Variants in AMOT observed in about 807,000 individuals in gnomAD.
AMOT encodes the protein angiomotin.
In AMOT, 11 loss-of-function variants were observed where a neutral mutation model predicts 67.0. The ratio of observed to expected loss-of-function variants is 0.16; its 90% confidence interval spans 0.10 to 0.27. The LOEUF (loss-of-function observed/expected upper bound fraction) is 0.27, where lower values mean the gene tolerates loss of function less well. AMOT is among the 10% of genes least tolerant of loss of function. The probability of loss-of-function intolerance (pLI) is 1.00; values close to 1 mark genes in which losing one functional copy is unlikely to be tolerated. For synonymous variants in AMOT, 326 were observed against 321.4 expected (o/e 1.01, Z -0.15); for missense variants, 753 against 852.0 (o/e 0.88, Z 1.45).
At chrX:112,790,245 C>T (rs190537202) in intron 10 of AMOT, among the ~76,000 whole-genome samples, 2 of 108,581 alleles carry the variant, frequency 1.8e-5, no homozygotes, top group Admixed American at 1.0e-4. Context: ...GAGGGGCTTT[C>T]ACTCCGGTCC....
chrX:112,795,470 C>T (rs1383768692), intron 8 of AMOT, among the ~76,000 whole-genome samples: 2 of 111,294 alleles, frequency 1.8e-5, no homozygotes, highest in African/African-American at 6.6e-5. Context: ...TTTCAGGAGT[C>T]AGCAAACCAA....
At chrX:112,811,647 G>A (rs1934371305) in intron 5 of AMOT, among the ~76,000 whole-genome samples, 1 of 111,874 alleles carries the variant, frequency 8.9e-6, no homozygotes, top group Non-Finnish European at 1.9e-5. Flanking sequence ...CTTCAGAGGA[G>A]ATGGTAAGAT....
In AMOT at chrX:112,779,208, C is replaced by A; in HGVS notation, c.2946G>T (p.Pro982=). 1 of 740,914 alleles carries A rather than the reference C, an allele frequency of 1.3e-6. No homozygotes were observed. Among genetic ancestry groups the A allele is most frequent in the Non-Finnish European group, 2.1e-6 (1 of 466,725 alleles). The allele number at this position is 740,914 out of a possible 1,213,427, so 61.1% of individuals were successfully genotyped here. ...CTGGAGCTGGAACCGGAACCAGAGC[C>A]GGAGCTGGAACTGGAGCCGGAGCAG... ...APAAPAPVPA[P]ALVPVPAPAA... Residue 982 remains proline (P), a synonymous_variant, in exon 13 of 14, where the codon CCG becomes CCT. Transcript: ENST00000371959.
chrX:112,817,748 G>T (rs1934606703), intron 4 of AMOT, among the ~76,000 whole-genome samples: 1 of 111,960 alleles, frequency 8.9e-6, no homozygotes, highest in African/African-American at 3.3e-5. Context: ...AACTATTTGG[G>T]CAAAGAAGAA....
chrX:112,822,122 A>ATTGTCAATTCAGAG (rs1309994378), intron 4 of AMOT, 133 bp downstream of exon 4: 3 of 841,922 alleles, frequency 3.6e-6, no homozygotes, highest in Non-Finnish European at 4.7e-6. Context: ...CAATTCACGA[A>ATTGTCAATTCAGAG]GCCAGAGGCC....
At chrX:112,826,366 T>C (rs1367084785) in intron 2 of AMOT, among the ~76,000 whole-genome samples, 1 of 112,706 alleles carries the variant, frequency 8.9e-6, no homozygotes, top group Non-Finnish European at 1.9e-5. Flanking sequence ...AAGTGATTAA[T>C]TTAACATTAT....
At chrX:112,831,003 T>C (rs142066967) in intron 2 of AMOT, among the ~76,000 whole-genome samples, 3,274 of 110,621 alleles carry the variant, frequency 0.03, 51 homozygotes, top group Non-Finnish European at 0.045. Context: ...AATGAGCCTG[T>C]GTGTGTAGCT....
In AMOT at chrX:112,840,577, C is replaced by A. The variant is rs1268297435; in HGVS notation, c.-414G>T. ...CCGGCTGCTCCCCTCCTCGCTGCTC[C>A]GTCCGGGCTCTCCTTGGTGGCAGCG... On this transcript the variant is annotated 5_prime_UTR_variant, in exon 1 of 14. Transcript: ENST00000371959. The A allele has an allele frequency of 1.8e-5, 2 of 113,212 alleles. No individual in the cohort carries two copies. The highest frequency in any genetic ancestry group is 3.2e-5 in the African/African-American group (1 of 31,214). The allele number at this position is 113,212 out of a possible 1,213,427, so 9.3% of individuals were successfully genotyped here. A position where few individuals can be genotyped will look rare whatever the true frequency, so the allele number is the denominator to read the frequency against.
chrX:112,837,677 T>C (rs1935163928), intron 1 of AMOT, among the ~76,000 whole-genome samples: 1 of 110,807 alleles, frequency 9.0e-6, no homozygotes, highest in Non-Finnish European at 1.9e-5. Context: ...ACCTTTGACT[T>C]GGGGGTGGAA....
chrX:112,791,381 G>T (rs1933582370), intron 9 of AMOT, among the ~76,000 whole-genome samples: 1 of 111,312 alleles, frequency 9.0e-6, no homozygotes, highest in Admixed American at 9.6e-5. Flanking sequence ...AAAAAATCTA[G>T]GATTTAGATC....
At chrX:112,840,190 G>A (rs746652241) in intron 1 of AMOT, among the ~76,000 whole-genome samples, 2 of 111,230 alleles carry the variant, frequency 1.8e-5, no homozygotes, top group Non-Finnish European at 3.8e-5. Flanking sequence ...ACCCCAGGAG[G>A]TAAAGAAGTA....
In AMOT at chrX:112,815,645, G is replaced by C. The variant is rs1287177092; in HGVS notation, c.1105C>G (p.Leu369Val). The C allele has an allele frequency of 1.7e-6, 2 of 1,188,883 alleles. No homozygotes were observed. The highest frequency in any genetic ancestry group is 3.6e-5 in the African/African-American group (2 of 56,295). The change falls in exon 5 of 14, where the codon CTC becomes GTC. Residue 369 changes from leucine (L) to valine (V), a missense_variant. By Grantham distance (32) the Leu-to-Val change is conservative. Around this residue, in one of 5 missense-constraint regions of AMOT, gnomAD observed 297 missense variants for 284.3 expected, o/e 1.04. Coordinates refer to ENST00000371959, the MANE Select transcript of AMOT (RefSeq NM_001113490.2). ...NQAHQGDHYR[L>V]SQPGLSQQQQ... ...TGCTGACTCAGGCCAGGTTGGGAGAGACGGTAATGATCCCCCTGGTGAGCC... is the reference window on the plus strand; with the variant it reads ...TGCTGACTCAGGCCAGGTTGGGAGACACGGTAATGATCCCCCTGGTGAGCC...
At position 112,811,367 on chromosome X, in the gene AMOT, C is replaced by T. The variant is rs146578886; in HGVS notation, c.1419G>A (p.Ser473=). ...ACTTCACGAGGTTCTCATATGCCTC[C>T]GAGACGCGCTGGATTTCTGTCTCCA... ...QKVETEIQRV[S]EAYENLVKSS... The change falls in exon 6 of 14, where the codon TCG becomes TCA. Residue 473 remains serine (S), a synonymous_variant. Transcript: ENST00000371959. 2.1e-4 allele frequency: 256 copies of T among 1,205,161 alleles called. 1 individual carries two copies. In the African/African-American group the frequency reaches 3.4e-3, roughly 16 times the overall value.
intron 8 of AMOT, among the ~76,000 whole-genome samples, chrX:112,800,550 A>C (rs983135738): frequency 1.8e-5 from 2 of 112,521 alleles, no homozygotes; most frequent in Admixed American, 9.4e-5. Flanking sequence ...CTGTTTGAAA[A>C]TTATTTTGGA....
At position 112,779,461 on chromosome X, in the gene AMOT, G is replaced by A; in HGVS notation, c.2693C>T (p.Ala898Val). Reference protein sequence around the residue: ...AAAATAAAITATAATITTTMV... With the variant: ...AAAATAAAITVTAATITTTMV... ...GGTGGTGGTGATGGTGGCAGCAGTG[G>A]CAGTGATGGCGGCAGCAGTGGCGGC... Residue 898 changes from alanine to valine, a missense_variant, in exon 13 of 14, where the codon GCC becomes GTC. By Grantham distance (64) the Ala-to-Val change is moderately conservative. Transcript: ENST00000371959. 1.7e-6 allele frequency: 2 copies of A among 1,202,484 alleles called. No individual in the cohort carries two copies. The highest frequency in any genetic ancestry group is 2.2e-6 in the Non-Finnish European group (2 of 890,645).
Position 112,811,379 on chromosome X carries a change from G to T in AMOT, c.1407C>A (p.Ile469=), listed in dbSNP as rs1934362175. The change falls in exon 6 of 14, where the codon ATC becomes ATA. Residue 469 remains isoleucine (I), a synonymous_variant. Transcript: ENST00000371959. ...VARLQKVETE[I]QRVSEAYENL... ...TCTCATATGCCTCCGAGACGCGCTG[G>T]ATTTCTGTCTCCACCTTAACAACAA... The T allele has an allele frequency of 8.3e-7, 1 of 1,205,054 alleles. No individual in the cohort carries two copies. Among genetic ancestry groups the T allele is most frequent in the Admixed American group, 2.2e-5 (1 of 45,510 alleles).
intron 8 of AMOT, among the ~76,000 whole-genome samples, chrX:112,796,596 C>A (rs182111371): frequency 3.9e-4 from 44 of 112,220 alleles, no homozygotes; most frequent in Non-Finnish European, 7.7e-4. Context: ...TTCTCCAATT[C>A]TGTGTTTTCT....
chrX:112,804,062 C>T (rs998582787), intron 8 of AMOT, among the ~76,000 whole-genome samples: 1 of 111,389 alleles, frequency 9.0e-6, no homozygotes, highest in Non-Finnish European at 1.9e-5. Context: ...AAGCCAGCAG[C>T]AAATTTCCCT....
chrX:112,813,338 A>T (rs1934431451), intron 5 of AMOT, among the ~76,000 whole-genome samples: 1 of 111,491 alleles, frequency 9.0e-6, no homozygotes, highest in Non-Finnish European at 1.9e-5. Flanking sequence ...GGGGGCAGAG[A>T]GGAGGGTGGC....
Sources: allele counts gnomAD v4.1 joint callset (sites outside exome capture counted in the v4.1 genomes callset), GRCh38; gene constraint gnomAD v4.1.1; regional missense constraint gnomAD v4.1.1; transcripts MANE v1.5; gene names NCBI Gene and HGNC (gene_info 2026-07-23, HGNC 2026-07-21).